The following THEMIS2 variants were observed in gnomAD, a reference collection of about 807,000 sequenced individuals.
THEMIS2 encodes the protein protein THEMIS2.
THEMIS2 carries 29 observed loss-of-function variants against 46.8 expected under a neutral mutation model. The ratio of observed to expected loss-of-function variants is 0.62; its 90% CI spans 0.46 to 0.84. The LOEUF (loss-of-function observed/expected upper bound fraction) is 0.84, where lower values mean the gene tolerates loss of function less well. Ranked by LOEUF, THEMIS2 falls within the 40% of genes least tolerant of loss-of-function variation. The probability of loss-of-function intolerance (pLI) is 0.00; values close to 1 mark genes in which losing one functional copy is unlikely to be tolerated. For missense variants in THEMIS2, 698 were observed against 834.7 expected, an observed-to-expected ratio of 0.84 and a Z score of 2.02; for synonymous variants, 335 against 349.1, an observed-to-expected ratio of 0.96 and a Z score of 0.45.
intron 4 of THEMIS2, chr1:27,883,297 G>A: frequency 1.9e-6 from 1 of 518,376 alleles, no homozygotes; most frequent in East Asian, 3.2e-5. Flanking sequence ...ATAAGTGGGA[G>A]GACTGAACTT....
rs774728586 is a variant in THEMIS2, at chr1:27,882,623, G to A, written c.1299G>A (p.Glu433=). The change falls in exon 4 of 6, where the codon GAG becomes GAA. Residue 433 remains glutamate, a synonymous_variant. Coordinates refer to ENST00000373921, the MANE Select transcript of THEMIS2 (RefSeq NM_001105556.3). This position sits in a 1 kb window ranked among gnomAD's most constrained non-coding sequence, Gnocchi z 7.6. The part of the protein sequence containing the change: ...PFHFPGSFVE[E]MSDSRRYSLA... ...ACTTCCCTGGCAGTTTCGTGGAGGA[G>A]ATGAGTGACAGCCGGCGCTACAGCC... The A allele has an allele frequency of 8.7e-6, 14 of 1,614,090 alleles. No individual in the cohort carries two copies. The highest frequency in any genetic ancestry group is 3.3e-5 in the Admixed American group (2 of 59,998).
rs201097792 is a variant in THEMIS2 at position 27,876,768 on chromosome 1, T to C, written c.235+40T>C. On this transcript the variant is annotated intron_variant, in intron 2 of 5. Coordinates refer to ENST00000373921, the MANE Select transcript of THEMIS2 (RefSeq NM_001105556.3). Reference sequence around the variant, plus strand: ...TCTGCCTCCCCATGTGCCCTGGCACTCTCCTGGCACACCCGCAGGCTGCTC... The same window carrying C: ...TCTGCCTCCCCATGTGCCCTGGCACCCTCCTGGCACACCCGCAGGCTGCTC... 1.5e-5 allele frequency: 24 copies of C among 1,606,596 alleles called. No individual in the cohort carries two copies. The South Asian group carries it at 2.4e-4, about 16-fold the overall frequency.
At chr1:27,876,848 C>A in intron 2 of THEMIS2, 120 bp downstream of exon 2, 1 of 1,244,260 alleles carries the variant, frequency 8.0e-7, no homozygotes, top group Non-Finnish European at 1.1e-6. Context: ...GCTCCCGAGG[C>A]CCTCACATTC....
rs755541788 is a variant in THEMIS2, at chr1:27,879,921, G to A, written c.513G>A (p.Glu171=). 2.5e-6 allele frequency: 4 copies of A among 1,611,298 alleles called. No individual in the cohort carries two copies. Among genetic ancestry groups the A allele is most frequent in the Non-Finnish European group, 3.4e-6 (4 of 1,178,758 alleles). The stretch of plus-strand genomic sequence containing the variant: ...AGAAGGGGCCCTTCTGGACATGGGA[G>A]CCTAGTGCCCCTCGAACTCTGCTCC... The part of the protein sequence containing the change: ...LSQKGPFWTW[E]PSAPRTLLQV... The change falls in exon 3 of 6, where the codon GAG becomes GAA. Residue 171 remains glutamate (E), a synonymous_variant. Coordinates refer to ENST00000373921, the MANE Select transcript of THEMIS2 (RefSeq NM_001105556.3).
intron 4 of THEMIS2, 66 bp downstream of exon 4, chr1:27,883,109 C>A: frequency 7.3e-7 from 1 of 1,365,296 alleles, no homozygotes; most frequent in Non-Finnish European, 1.0e-6. Flanking sequence ...TTTGTCATGT[C>A]TGCCTGTCAT....
Position 27,884,973 on chromosome 1 carries a change from T to G in THEMIS2, c.1720-322T>G, listed in dbSNP as rs1037988513. 1.7e-5 allele frequency: 4 copies of G among 232,798 alleles called. No homozygotes were observed. In the East Asian group the frequency reaches 3.9e-4, roughly 23 times the overall value. 14.4% of individuals were successfully genotyped at this position (232,798 alleles called of 1,614,324 possible). A position where few individuals can be genotyped will look rare whatever the true frequency, so the allele number is the denominator to read the frequency against. On this transcript the variant is annotated intron_variant, in intron 4 of 5. Transcript: ENST00000373921. ...TCACAAGGCTTTGTGGCTCCTTTCT[T>G]ACGGTATCCCCACTTTGCTTTTTTC...
At chr1:27,876,136 T>C (rs2089573598) in intron 1 of THEMIS2, among the ~76,000 whole-genome samples, 1 of 151,338 alleles carries the variant, frequency 6.6e-6, no homozygotes, top group African/African-American at 2.4e-5. Context: ...AGGGAGCCAC[T>C]GACCCCTCTC....
Position 27,880,052 on chromosome 1 carries a change from A to G in THEMIS2, c.644A>G (p.His215Arg), listed in dbSNP as rs1467699302. 1.9e-6 allele frequency: 3 copies of G among 1,592,554 alleles called. No individual in the cohort carries two copies. Among genetic ancestry groups the G allele is most frequent in the Non-Finnish European group, 2.6e-6 (3 of 1,163,732 alleles). Reference protein sequence around the residue: ...RPQYEIQAIMHMRRTIVKIPS... With the variant: ...RPQYEIQAIMRMRRTIVKIPS... ...CAGTATGAGATCCAAGCCATCATGC[A>G]CAGTGAGTTGCCTGGGCAGATGGAT... The change falls in exon 3 of 6, where the codon CAC becomes CGC. Residue 215 changes from histidine (H) to arginine (R), a missense_variant and splice_region_variant. Coordinates refer to ENST00000373921, the MANE Select transcript of THEMIS2 (RefSeq NM_001105556.3).
Position 27,885,911 on chromosome 1 carries a change from A to G in THEMIS2, c.1921A>G (p.Lys641Glu), listed in dbSNP as rs1023988134. The G allele has an allele frequency of 6.2e-7, 1 of 1,614,052 alleles. No homozygotes were observed. Reference sequence around the variant, plus strand: ...TGAAGAAATACTTGAGCAATTTCAGAAAACCATCTAAGTGCTGGAGGAACC... The same window carrying G: ...TGAAGAAATACTTGAGCAATTTCAGGAAACCATCTAAGTGCTGGAGGAACC... ...DYEEILEQFQKTI is the reference protein window; with the variant it reads ...DYEEILEQFQETI The change falls in exon 6 of 6, where the codon AAA (lysine) becomes GAA (glutamate). Residue 641 changes from lysine to glutamate, a missense_variant. Lys to Glu is a moderately conservative substitution (Grantham distance 56). Coordinates refer to ENST00000373921, the MANE Select transcript of THEMIS2 (RefSeq NM_001105556.3).
At chr1:27,879,619 G>A in intron 2 of THEMIS2, 25 bp from the exon 3 acceptor site, 1 of 1,553,278 alleles carries the variant, frequency 6.4e-7, no homozygotes, top group South Asian at 1.2e-5. Flanking sequence ...ACAGTGACCT[G>A]CCTGCTCTCT....
chr1:27,877,518 A>G (rs1025946888), intron 2 of THEMIS2, among the ~76,000 whole-genome samples: 7 of 151,982 alleles, frequency 4.6e-5, no homozygotes, highest in East Asian at 1.9e-4. Flanking sequence ...TAGTAGAGAC[A>G]AAGTTTCACC....
At position 27,876,648 on chromosome 1, in the gene THEMIS2, T is replaced by C. The variant is rs1405555177; in HGVS notation, c.155T>C (p.Val52Ala). The C allele has an allele frequency of 6.2e-7, 1 of 1,613,932 alleles. No individual in the cohort carries two copies. Among genetic ancestry groups the C allele is most frequent in the Non-Finnish European group, 8.5e-7 (1 of 1,179,948 alleles). The change falls in exon 2 of 6, where the codon GTC becomes GCC. Residue 52 changes from valine (V) to alanine (A), a missense_variant. Physicochemically the swap from Val to Ala is moderately conservative, Grantham distance 64 (BLOSUM62 0). Coordinates refer to ENST00000373921, the MANE Select transcript of THEMIS2 (RefSeq NM_001105556.3). ...CTCTCCACGGGGGACCTGATCAAGGTCACCCAGGTCCGCCTCCAGAAGGTG... is the reference window on the plus strand; with the variant it reads ...CTCTCCACGGGGGACCTGATCAAGGCCACCCAGGTCCGCCTCCAGAAGGTG... ...CCLSTGDLIKVTQVRLQKVVC... is the reference protein window; with the variant it reads ...CCLSTGDLIKATQVRLQKVVC...
intron 4 of THEMIS2, chr1:27,885,089 A>G: frequency 1.9e-6 from 1 of 536,832 alleles, no homozygotes; most frequent in Non-Finnish European, 3.3e-6. Flanking sequence ...CCCTATCCTC[A>G]TTTTCTACCC....
In THEMIS2 at chr1:27,879,854, G is replaced by T. The variant is rs2089649081; in HGVS notation, c.446G>T (p.Gly149Val). The T allele has an allele frequency of 6.2e-7, 1 of 1,613,088 alleles. No individual in the cohort carries two copies. The highest frequency in any genetic ancestry group is 1.3e-5 in the African/African-American group (1 of 74,896). The change falls in exon 3 of 6, where the codon GGC becomes GTC. Residue 149 changes from glycine to valine, a missense_variant. Physicochemically the swap from Gly to Val is moderately radical, Grantham distance 109. Coordinates refer to ENST00000373921, the MANE Select transcript of THEMIS2 (RefSeq NM_001105556.3). ...ATCCGCTCTGCCCGCTGTGTCCTGGGCATGGAGGGTCAGCAGGTCATCCTG... is the reference window on the plus strand; with the variant it reads ...ATCCGCTCTGCCCGCTGTGTCCTGGTCATGGAGGGTCAGCAGGTCATCCTG... ...LGIRSARCVL[G>V]MEGQQVILHL...
intron 4 of THEMIS2, chr1:27,883,306 T>G: frequency 2.0e-6 from 1 of 500,416 alleles, no homozygotes; most frequent in Non-Finnish European, 3.6e-6. Flanking sequence ...AGGACTGAAC[T>G]TGGCCATGGA....
chr1:27,883,104 C>A, intron 4 of THEMIS2, 61 bp downstream of exon 4: 1 of 1,389,972 alleles, frequency 7.2e-7, no homozygotes, highest in Non-Finnish European at 9.9e-7. Flanking sequence ...GCTTCTTTGT[C>A]ATGTCTGCCT....
chr1:27,885,982 C>G lies in THEMIS2; in HGVS notation c.*60C>G. Reference sequence around the variant, plus strand: ...CTCAGGGAATCCGACACCAGCCAACCATTTTAAGCCTCTAAAAGACCTCGG... The same window carrying G: ...CTCAGGGAATCCGACACCAGCCAACGATTTTAAGCCTCTAAAAGACCTCGG... On this transcript the variant is annotated 3_prime_UTR_variant, in exon 6 of 6. Coordinates refer to ENST00000373921, the MANE Select transcript of THEMIS2 (RefSeq NM_001105556.3). The G allele has an allele frequency of 1.3e-6, 2 of 1,548,764 alleles. No individual in the cohort carries two copies. Among genetic ancestry groups the G allele is most frequent in the Non-Finnish European group, 8.9e-7 (1 of 1,121,734 alleles).
At position 27,886,114 on chromosome 1, in the gene THEMIS2, G is replaced by T; in HGVS notation, c.*192G>T. ...AGGTTCTAGATTCTTGCTACTTAGG[G>T]CGGGCTGGTTTGGACCTAACATCTC... On this transcript the variant is annotated 3_prime_UTR_variant, in exon 6 of 6. Transcript: ENST00000373921. 1.7e-6 allele frequency: 1 copy of T among 596,650 alleles called. No individual in the cohort carries two copies. The highest frequency in any genetic ancestry group is 3.0e-6 in the Non-Finnish European group (1 of 337,784). The allele number at this position is 596,650 out of a possible 1,614,324, so 37.0% of individuals were successfully genotyped here.
chr1:27,872,931 C>T lies in THEMIS2; in HGVS notation c.94+266C>T, dbSNP rs942199828. Among the ~76,000 whole-genome samples, 2 of 152,308 alleles carry T rather than the reference C, an allele frequency of 1.3e-5. No individual in the cohort carries two copies. The highest frequency in any genetic ancestry group is 4.8e-5 in the African/African-American group (2 of 41,588). ...GCGGGAGGTGGATGCAGCCGGGCCA[C>T]TCCTAGGTGGCCCCGCGGTGCGCAT... On this transcript the variant is annotated intron_variant, in intron 1 of 5. Coordinates refer to ENST00000373921, the MANE Select transcript of THEMIS2 (RefSeq NM_001105556.3). The surrounding 1 kb of genome is among the most constrained non-coding windows in gnomAD (Gnocchi z 4.9).
Sources: gnomAD v4.1 joint callset for allele counts (sites outside exome capture counted in the v4.1 genomes callset) on GRCh38, gnomAD v4.1.1 for gene constraint, Gnocchi (gnomAD v3.1) non-coding constraint, MANE v1.5 for transcripts, NCBI Gene and HGNC (gene_info 2026-07-23, HGNC 2026-07-21) for gene names.